Variants in ASIC2 observed in about 807,000 individuals in gnomAD.
ASIC2 encodes the protein acid sensing ion channel subunit 2.
Under a neutral mutation model 57.3 loss-of-function variants are expected in ASIC2, and 25 were observed. The ratio of observed to expected loss-of-function variants is 0.44; its 90% CI spans 0.32 to 0.61. The LOEUF (loss-of-function observed/expected upper bound fraction) is 0.61. Among genes scored for constraint, ASIC2 ranks in the 20% least tolerant of loss-of-function variants. ASIC2 has a pLI of 0.06. For synonymous variants in ASIC2, 319 were observed against 307.5 expected, an observed-to-expected ratio of 1.04 and a Z score of -0.39; for missense variants, 641 against 738.1, an observed-to-expected ratio of 0.87 and a Z score of 1.52.
chr17:33,223,897 G>A (rs1311111725), intron 1 of ASIC2, among the ~76,000 whole-genome samples: 1 of 152,194 alleles, frequency 6.6e-6, no homozygotes, highest in Non-Finnish European at 1.5e-5. Context: ...GTCTTAGAGG[G>A]ACAGGGTTTG....
chr17:33,153,152 C>T (rs1041613202), intron 1 of ASIC2, among the ~76,000 whole-genome samples: 3 of 152,194 alleles, frequency 2.0e-5, no homozygotes, highest in Admixed American at 1.3e-4. Context: ...AGGAAACAGT[C>T]TCAGAATTGA....
chr17:33,550,702 G>A (rs1915726636), intron 1 of ASIC2, among the ~76,000 whole-genome samples: 1 of 152,224 alleles, frequency 6.6e-6, no homozygotes, highest in African/African-American at 2.4e-5. Flanking sequence ...GAGGTATGAT[G>A]AGCCCAGAGT....
intron 1 of ASIC2, among the ~76,000 whole-genome samples, chr17:33,149,410 G>C (rs1048188985): frequency 2.6e-5 from 4 of 152,096 alleles, no homozygotes; most frequent in Admixed American, 6.5e-5. Context: ...ATAAAACTAT[G>C]TTCTTCTGTA....
chr17:34,099,687 AAG>A (rs1161051571), intron 1 of ASIC2, among the ~76,000 whole-genome samples: 15 of 150,446 alleles, frequency 1.0e-4, no homozygotes, highest in Admixed American at 4.6e-4. Context: ...AAAGAAAAGA[AAG>A]AGAAGAAAGA....
At chr17:33,519,531 G>T (rs1320269581) in intron 1 of ASIC2, among the ~76,000 whole-genome samples, 5 of 152,094 alleles carry the variant, frequency 3.3e-5, no homozygotes, top group African/African-American at 1.2e-4. Flanking sequence ...CACTTTCCAG[G>T]TTCATGGGAT....
intron 1 of ASIC2, among the ~76,000 whole-genome samples, chr17:34,085,233 G>A (rs537394466): frequency 1.3e-5 from 2 of 152,242 alleles, no homozygotes; most frequent in South Asian, 4.1e-4. Context: ...AATTTATTGA[G>A]AGTTTTTAGC....
chr17:33,301,990 T>C (rs954267060), intron 1 of ASIC2, among the ~76,000 whole-genome samples: 6 of 152,236 alleles, frequency 3.9e-5, no homozygotes, highest in Admixed American at 1.3e-4. Context: ...ACAATGTCCA[T>C]GTCCTTCTCC....
intron 3 of ASIC2, among the ~76,000 whole-genome samples, chr17:33,065,332 C>T (rs2092038903): frequency 6.6e-6 from 1 of 151,130 alleles, no homozygotes; most frequent in South Asian, 2.1e-4. Flanking sequence ...GCTCAGTCAC[C>T]ACTTCCTGCT....
At chr17:33,898,354 A>G (rs1325940758) in intron 1 of ASIC2, among the ~76,000 whole-genome samples, 1 of 146,974 alleles carries the variant, frequency 6.8e-6, no homozygotes. Flanking sequence ...TCCTGCCTCA[A>G]CTTCCTGGGT....
At chr17:33,178,328 TTAGA>T (rs1215555015) in intron 1 of ASIC2, among the ~76,000 whole-genome samples, 20 of 152,296 alleles carry the variant, frequency 1.3e-4, no homozygotes, top group African/African-American at 4.8e-4. Flanking sequence ...AATCCCTGGT[TTAGA>T]TAGAGAGACA....
intron 1 of ASIC2, among the ~76,000 whole-genome samples, chr17:33,739,268 C>A (rs1910021881): frequency 6.6e-6 from 1 of 152,154 alleles, no homozygotes; most frequent in Admixed American, 6.5e-5. Flanking sequence ...CCAAAGTGAT[C>A]CATGGGTCAA....
intron 1 of ASIC2, chr17:33,290,676 A>G (rs111302410): frequency 6.6e-6 from 1 of 152,248 alleles, no homozygotes; most frequent in African/African-American, 2.4e-5. Flanking sequence ...CCACACTTAC[A>G]TTTTATGGGG....
intron 1 of ASIC2, among the ~76,000 whole-genome samples, chr17:33,362,926 C>G (rs1033760765): frequency 6.6e-6 from 1 of 152,162 alleles, no homozygotes; most frequent in African/African-American, 2.4e-5. Flanking sequence ...CCATCTTACA[C>G]AAATAAATGT....
At chr17:34,150,392 G>A (rs1010007190) in intron 1 of ASIC2, among the ~76,000 whole-genome samples, 4 of 152,070 alleles carry the variant, frequency 2.6e-5, no homozygotes, top group Non-Finnish European at 5.9e-5. Flanking sequence ...AATTTTAAGT[G>A]TTCTTACCAT....
rs1310529194 is a variant in ASIC2 at position 33,436,474 on chromosome 17, C to T, written c.556-324407G>A. On this transcript the variant is annotated intron_variant, in intron 1 of 9. Coordinates refer to the ASIC2 transcript ENST00000359872. ...ATTCTGGCAACTGACTGAACCCACC[C>T]AGACTTGTGACTCATGGCTCAACTG... Among the ~76,000 whole-genome samples the T allele has an allele frequency of 2.6e-5, 4 of 152,286 alleles. No individual in the cohort carries two copies. The East Asian group carries it at 7.7e-4, about 29-fold the overall frequency.
In ASIC2 at chr17:33,722,320, C is replaced by T. The variant is rs185980300; in HGVS notation, c.555+433658G>A. On this transcript the variant is annotated intron_variant, in intron 1 of 9. Transcript: ENST00000359872. ...GTGAGGCCTCCCCAGCCATATGGAA[C>T]TGTGAGTCAATTAAACCTCTTTCCT... Among the ~76,000 whole-genome samples the T allele has an allele frequency of 3.4e-3, 518 of 152,334 alleles. 1 individual carries two copies. Among genetic ancestry groups the T allele is most frequent in the African/African-American group, 0.012 (504 of 41,566 alleles).
chr17:33,855,227 G>A lies in ASIC2; in HGVS notation c.555+300751C>T, dbSNP rs541806781. On this transcript the variant is annotated intron_variant, in intron 1 of 9. Coordinates refer to the ASIC2 transcript ENST00000359872. ...ACTGGATCTGTGCTGCAGCAGGAAAGAGCTGGAACTAGCCAACTCCAGACT... is the reference window on the plus strand; with the variant it reads ...ACTGGATCTGTGCTGCAGCAGGAAAAAGCTGGAACTAGCCAACTCCAGACT... Among the ~76,000 whole-genome samples, 5 of 152,300 alleles carry A rather than the reference G, an allele frequency of 3.3e-5. No homozygotes were observed. The South Asian group carries it at 1.0e-3, about 32-fold the overall frequency.
chr17:33,363,223 T>C (rs1908679001), intron 1 of ASIC2, among the ~76,000 whole-genome samples: 1 of 152,158 alleles, frequency 6.6e-6, no homozygotes, highest in Admixed American at 6.5e-5. Flanking sequence ...AATGTCTCAA[T>C]TGACTCACCC....
At chr17:33,335,319 G>A (rs142669952) in intron 1 of ASIC2, among the ~76,000 whole-genome samples, 97 of 152,292 alleles carry the variant, frequency 6.4e-4, no homozygotes, top group Non-Finnish European at 1.1e-3. Flanking sequence ...TAATAATGAA[G>A]GCTAGAATTG....
Sources: gnomAD v4.1 joint callset for allele counts (sites outside exome capture counted in the v4.1 genomes callset) on GRCh38, gnomAD v4.1.1 for gene constraint, MANE v1.5 for transcripts, NCBI Gene and HGNC (gene_info 2026-07-23, HGNC 2026-07-21) for gene names.